The following PTPRR variants were observed in gnomAD, a reference collection of about 807,000 sequenced individuals.
The protein encoded by PTPRR is protein tyrosine phosphatase receptor type R.
Under a neutral mutation model 77.2 loss-of-function variants are expected in PTPRR, and 38 were observed. That is an observed-to-expected ratio of 0.49 (90% confidence interval 0.38 to 0.65). The LOEUF is 0.65. Ranked by LOEUF, PTPRR falls within the 30% of genes least tolerant of loss-of-function variation. The pLI, the probability that PTPRR is intolerant of heterozygous loss-of-function variation, is 0.00. For missense variants in PTPRR, 744 were observed against 799.2 expected, an observed-to-expected ratio of 0.93 and a Z score of 0.83; for synonymous variants, 299 against 283.1, an observed-to-expected ratio of 1.06 and a Z score of -0.57.
At chr12:70,676,480 C>T (rs1887451379) in intron 10 of PTPRR, among the ~76,000 whole-genome samples, 1 of 151,740 alleles carries the variant, frequency 6.6e-6, no homozygotes, top group African/African-American at 2.4e-5. Flanking sequence ...TTAATTGTTG[C>T]TGCTTCTGAT....
chr12:70,675,859 G>C (rs1887425693), intron 10 of PTPRR, among the ~76,000 whole-genome samples: 1 of 150,496 alleles, frequency 6.6e-6, no homozygotes, highest in Non-Finnish European at 1.5e-5. Context: ...ATATTCTACT[G>C]ATTTTTGGCT....
intron 2 of PTPRR, among the ~76,000 whole-genome samples, chr12:70,808,910 C>T (rs980324897): frequency 2.0e-5 from 3 of 152,306 alleles, no homozygotes; most frequent in East Asian, 1.9e-4. Flanking sequence ...GATCTTCTTA[C>T]TCTAAATCAG....
At chr12:70,797,841 C>T (rs1047800339) in intron 2 of PTPRR, among the ~76,000 whole-genome samples, 3 of 152,294 alleles carry the variant, frequency 2.0e-5, no homozygotes, top group East Asian at 1.9e-4. Context: ...CTTCTTAATG[C>T]TGATGATGCT....
chr12:70,813,542 G>C (rs1173715885), intron 2 of PTPRR, among the ~76,000 whole-genome samples: 1 of 152,204 alleles, frequency 6.6e-6, no homozygotes, highest in Non-Finnish European at 1.5e-5. Flanking sequence ...AGGTGTCAAA[G>C]AGTAACAAGA....
At position 70,639,204 on chromosome 12, in the gene PTPRR, A is replaced by C. The variant is rs548236977; in HGVS notation, c.1954T>G (p.Ser652Ala). 22 of 1,613,396 alleles carry C rather than the reference A, an allele frequency of 1.4e-5. No individual in the cohort carries two copies. In the South Asian group the frequency reaches 2.4e-4, roughly 18 times the overall value. The change falls in exon 14 of 14, where the codon TCA (serine) becomes GCA (alanine). Residue 652 changes from serine (S) to alanine (A), a missense_variant. Around this residue, in one of 3 missense-constraint regions of PTPRR, gnomAD observed 170 missense variants for 209.8 expected, o/e 0.81. Transcript: ENST00000283228. ...HALCLYESRLSAETVQ is the reference protein window; with the variant it reads ...HALCLYESRLAAETVQ ...ATGACTCACTGGACAGTCTCTGCTGAAAGTCTGCTCTCATACAGGCACAGA... is the reference window on the plus strand; with the variant it reads ...ATGACTCACTGGACAGTCTCTGCTGCAAGTCTGCTCTCATACAGGCACAGA...
chr12:70,680,453 T>G (rs889947267), intron 10 of PTPRR, among the ~76,000 whole-genome samples: 1 of 152,192 alleles, frequency 6.6e-6, no homozygotes, highest in East Asian at 1.9e-4. Flanking sequence ...TGGCTTTTGC[T>G]CTATGTGTGT....
intron 10 of PTPRR, among the ~76,000 whole-genome samples, chr12:70,664,133 A>C (rs935104496): frequency 3.9e-5 from 6 of 152,202 alleles, no homozygotes; most frequent in Non-Finnish European, 8.8e-5. Flanking sequence ...CCTTTTTCTA[A>C]ATGAAGTAAA....
chr12:70,855,218 T>G (rs1892632308), intron 2 of PTPRR, among the ~76,000 whole-genome samples: 1 of 152,200 alleles, frequency 6.6e-6, no homozygotes, highest in Non-Finnish European at 1.5e-5. Context: ...ATCCTTGTTT[T>G]TTAAGAAAAT....
chr12:70,914,487 C>T (rs1294447023), intron 1 of PTPRR, among the ~76,000 whole-genome samples: 1 of 152,192 alleles, frequency 6.6e-6, no homozygotes, highest in African/African-American at 2.4e-5. Context: ...GAGTGGAGAA[C>T]ATCTTATGAG....
chr12:70,872,189 A>T (rs1320381103), intron 2 of PTPRR, among the ~76,000 whole-genome samples: 1 of 152,134 alleles, frequency 6.6e-6, no homozygotes, highest in Non-Finnish European at 1.5e-5. Context: ...TTACATTTAG[A>T]TATAACTTTT....
chr12:70,738,713 C>T (rs553565196), intron 6 of PTPRR, among the ~76,000 whole-genome samples: 1 of 152,174 alleles, frequency 6.6e-6, no homozygotes, highest in Admixed American at 6.5e-5. Flanking sequence ...ATACAATTTC[C>T]CTTAGAGTGA....
At chr12:70,811,598 T>C (rs993556847) in intron 2 of PTPRR, among the ~76,000 whole-genome samples, 2 of 152,338 alleles carry the variant, frequency 1.3e-5, no homozygotes, top group Admixed American at 6.5e-5. Context: ...GCCACTTTCA[T>C]TGTATATTCG....
intron 10 of PTPRR, chr12:70,672,636 T>C: frequency 6.6e-7 from 1 of 1,522,400 alleles, no homozygotes; most frequent in Non-Finnish European, 9.0e-7. Flanking sequence ...GCCAAGTGAA[T>C]GGGGAAGTGG....
intron 2 of PTPRR, among the ~76,000 whole-genome samples, chr12:70,855,610 C>A (rs1892638194): frequency 6.6e-6 from 1 of 152,152 alleles, no homozygotes; most frequent in Admixed American, 6.5e-5. Flanking sequence ...AAACTGCCAA[C>A]CTTGAGCAAG....
chr12:70,657,250 T>A (rs1384044424), intron 12 of PTPRR, among the ~76,000 whole-genome samples: 1 of 152,034 alleles, frequency 6.6e-6, no homozygotes, highest in Non-Finnish European at 1.5e-5. Flanking sequence ...TGAGGCCAAG[T>A]GCATGCTGGA....
At chr12:70,697,483 C>G (rs903160495) in intron 8 of PTPRR, among the ~76,000 whole-genome samples, 21 of 152,042 alleles carry the variant, frequency 1.4e-4, no homozygotes, top group African/African-American at 4.8e-4. Flanking sequence ...ACATGATTTG[C>G]AAATATTTAT....
At chr12:70,645,989 GC>G (rs1429479418) in intron 13 of PTPRR, among the ~76,000 whole-genome samples, 6 of 152,184 alleles carry the variant, frequency 3.9e-5, no homozygotes, top group Non-Finnish European at 7.4e-5. Context: ...CTGTCGTACC[GC>G]CCAGCCCGTA....
chr12:70,701,488 T>C (rs1435431228), intron 6 of PTPRR, among the ~76,000 whole-genome samples, 165 bp from the exon 7 acceptor site: 1 of 152,204 alleles, frequency 6.6e-6, no homozygotes, highest in Non-Finnish European at 1.5e-5. Flanking sequence ...CTACCCATAG[T>C]TCCTTCACAG....
chr12:70,766,528 C>T (rs547618422), intron 2 of PTPRR, among the ~76,000 whole-genome samples: 1 of 152,054 alleles, frequency 6.6e-6, no homozygotes, highest in Non-Finnish European at 1.5e-5. Context: ...AAGACCAAAT[C>T]TACGTCTGAT....
Sources: gnomAD v4.1 joint callset for allele counts (sites outside exome capture counted in the v4.1 genomes callset) on GRCh38, gnomAD v4.1.1 for gene constraint, gnomAD v4.1.1 regional missense constraint, MANE v1.5 for transcripts, NCBI Gene and HGNC (gene_info 2026-07-23, HGNC 2026-07-21) for gene names.